Variants in RPL39L observed in about 807,000 individuals in gnomAD.
RPL39L encodes the protein ribosomal protein eL39-like 2.
For synonymous variants in RPL39L, 16 were observed against 20.1 expected, an observed-to-expected ratio of 0.80 and a Z score of 0.55; for missense variants, 48 against 58.9, an observed-to-expected ratio of 0.81 and a Z score of 0.61.
rs72169562 is a variant in RPL39L at position 187,134,483 on chromosome 3, T to TAAAAAAAAAAAAAA, written c.-93+4716_-93+4729dup. Among the ~76,000 whole-genome samples the TAAAAAAAAAAAAAA allele has an allele frequency of 9.5e-4, 89 of 93,388 alleles. 3 individuals carry two copies. The highest frequency in any genetic ancestry group is 3.6e-3 in the African/African-American group (84 of 23,556). 61.3% of individuals were successfully genotyped at this position (93,388 alleles called of 152,430 possible). A position where few individuals can be genotyped will look rare whatever the true frequency, so the allele number is the denominator to read the frequency against. On this transcript the variant is annotated intron_variant, in intron 1 of 2. Transcript: ENST00000296277. ...GCCCAAACTACTTTAGCCTGACTGA[T>TAAAAAAAAAAAAAA]AAAAAAAAAAAAAAAAAAAGAAGAC...
At position 187,126,378 on chromosome 3, in the gene RPL39L, G is replaced by A. The variant is rs371197146; in HGVS notation, c.-29+1621C>T. ...GGGGTTTCACCATGTTGGCCAGGCTGGTCTTGAACTCCTGACCTCAGGCGA... is the reference window on the plus strand; with the variant it reads ...GGGGTTTCACCATGTTGGCCAGGCTAGTCTTGAACTCCTGACCTCAGGCGA... On this transcript the variant is annotated intron_variant, in intron 2 of 2. Transcript: ENST00000296277. Among the ~76,000 whole-genome samples the A allele has an allele frequency of 2.8e-4, 42 of 152,102 alleles. No homozygotes were observed. In the East Asian group the frequency reaches 4.8e-3, roughly 17 times the overall value.
At chr3:187,138,812 C>A (rs1720633031) in intron 1 of RPL39L, among the ~76,000 whole-genome samples, 1 of 152,182 alleles carries the variant, frequency 6.6e-6, no homozygotes. Context: ...GTAATCCCAG[C>A]ACTTTGGGAG....
intron 1 of RPL39L, among the ~76,000 whole-genome samples, chr3:187,138,694 T>G (rs1207280654): frequency 6.6e-6 from 1 of 152,108 alleles, no homozygotes; most frequent in African/African-American, 2.4e-5. Flanking sequence ...ATGGATCCCT[T>G]TAAGGCTACT....
intron 1 of RPL39L, among the ~76,000 whole-genome samples, chr3:187,134,987 G>A (rs1720549797): frequency 6.6e-6 from 1 of 152,240 alleles, no homozygotes; most frequent in Admixed American, 6.5e-5. Flanking sequence ...TTGCATGTTG[G>A]GTGAAAGGGA....
At chr3:187,133,175 C>A (rs538110653) in intron 1 of RPL39L, among the ~76,000 whole-genome samples, 2 of 152,076 alleles carry the variant, frequency 1.3e-5, no homozygotes, top group Admixed American at 1.3e-4. Flanking sequence ...AGAGCCTCCT[C>A]GGTGGTGAAG....
intron 1 of RPL39L, among the ~76,000 whole-genome samples, chr3:187,136,908 T>C (rs1720589410): frequency 6.6e-6 from 1 of 152,040 alleles, no homozygotes; most frequent in South Asian, 2.1e-4. Flanking sequence ...TATTTTAAAT[T>C]AAAAAGGAGA....
intron 2 of RPL39L, 78 bp from the exon 3 acceptor site, chr3:187,121,406 G>A: frequency 7.2e-7 from 1 of 1,394,186 alleles, no homozygotes; most frequent in Non-Finnish European, 9.9e-7. Context: ...GAAATAACAA[G>A]ACAAGAAAGA....
chr3:187,134,908 A>G (rs1272345877), intron 1 of RPL39L, among the ~76,000 whole-genome samples: 1 of 152,160 alleles, frequency 6.6e-6, no homozygotes, highest in African/African-American at 2.4e-5. Context: ...TGTGGTGTTC[A>G]CACCTCAATT....
intron 1 of RPL39L, among the ~76,000 whole-genome samples, chr3:187,131,968 G>A (rs373928443): frequency 6.6e-6 from 1 of 152,088 alleles, no homozygotes; most frequent in East Asian, 1.9e-4. Context: ...CTCCTCAAGA[G>A]GTTATATTTT....
At chr3:187,128,714 C>T (rs891693246) in intron 1 of RPL39L, among the ~76,000 whole-genome samples, 1 of 152,188 alleles carries the variant, frequency 6.6e-6, no homozygotes, top group Admixed American at 6.5e-5. Context: ...GGCAGCTAGG[C>T]AGTAGCTGTC....
intron 1 of RPL39L, among the ~76,000 whole-genome samples, chr3:187,131,644 T>C (rs1720486848): frequency 6.6e-6 from 1 of 152,204 alleles, no homozygotes; most frequent in African/African-American, 2.4e-5. Flanking sequence ...TTGAACACAT[T>C]TCTTAGCCAT....
intron 1 of RPL39L, among the ~76,000 whole-genome samples, chr3:187,130,572 A>G (rs1720468866): frequency 6.6e-6 from 1 of 152,164 alleles, no homozygotes; most frequent in Admixed American, 6.5e-5. Context: ...ACCTTCTGCC[A>G]TGAGTAAAAG....
In RPL39L at chr3:187,139,242, T is replaced by G. The variant is rs886192607; in HGVS notation, c.-122A>C. On this transcript the variant is annotated 5_prime_UTR_variant, in exon 1 of 3. Coordinates refer to ENST00000296277, the MANE Select transcript of RPL39L (RefSeq NM_052969.3). ...GCCCTGGCCTCTGCTTTTTTCCCAC[T>G]CTAGGACGCAAATCTCGATCTGCAA... 4 of 152,142 alleles carry G rather than the reference T, an allele frequency of 2.6e-5. No homozygotes were observed. The highest frequency in any genetic ancestry group is 9.7e-5 in the African/African-American group (4 of 41,392). 9.4% of individuals were successfully genotyped at this position (152,142 alleles called of 1,614,324 possible). A position where few individuals can be genotyped will look rare whatever the true frequency, so the allele number is the denominator to read the frequency against.
At chr3:187,135,618 C>T (rs1720566287) in intron 1 of RPL39L, among the ~76,000 whole-genome samples, 1 of 152,198 alleles carries the variant, frequency 6.6e-6, no homozygotes, top group Non-Finnish European at 1.5e-5. Context: ...TCTTTATCAG[C>T]AGCATGAAAG....
chr3:187,121,435 C>A, intron 2 of RPL39L, 107 bp from the exon 3 acceptor site: 1 of 1,151,378 alleles, frequency 8.7e-7, no homozygotes, highest in Non-Finnish European at 1.2e-6. Context: ...AGTGCCACAG[C>A]GAGGGCTCAT....
intron 1 of RPL39L, among the ~76,000 whole-genome samples, chr3:187,135,895 G>A (rs2241176): frequency 0.36 from 54,983 of 152,210 alleles, 12,518 homozygotes; most frequent in African/African-American, 0.64. Flanking sequence ...CAGGCATGCC[G>A]CATGGCGAGA....
chr3:187,135,888 G>T (rs1009689187), intron 1 of RPL39L, among the ~76,000 whole-genome samples: 2 of 152,242 alleles, frequency 1.3e-5, no homozygotes, highest in Admixed American at 6.5e-5. Flanking sequence ...GGAGGAGCAG[G>T]CATGCCGCAT....
chr3:187,131,637 A>T (rs1720486680), intron 1 of RPL39L, among the ~76,000 whole-genome samples: 1 of 152,230 alleles, frequency 6.6e-6, no homozygotes, highest in African/African-American at 2.4e-5. Flanking sequence ...TGTGACCTTG[A>T]ACACATTTCT....
intron 1 of RPL39L, among the ~76,000 whole-genome samples, chr3:187,135,549 T>C (rs1180241656): frequency 6.6e-6 from 1 of 152,188 alleles, no homozygotes; most frequent in East Asian, 1.9e-4. Context: ...TCCCCAGCCA[T>C]GTGGTACCGT....
Sources: gnomAD v4.1 joint callset for allele counts (sites outside exome capture counted in the v4.1 genomes callset) on GRCh38, gnomAD v4.1.1 for gene constraint, MANE v1.5 for transcripts, NCBI Gene and HGNC (gene_info 2026-07-23, HGNC 2026-07-21) for gene names.